The following PLCL1 variants were observed in gnomAD, a reference collection of about 807,000 sequenced individuals.
The protein encoded by PLCL1 is inactive phospholipase C-like protein 1.
A neutral mutation model predicts 84.4 loss-of-function variants in PLCL1; 41 were observed. That is an observed-to-expected ratio of 0.49 (90% CI 0.38 to 0.63). The LOEUF is 0.63. Ranked by LOEUF, PLCL1 falls within the 30% of genes least tolerant of loss-of-function variation. The pLI, the probability that PLCL1 is intolerant of heterozygous loss-of-function variation, is 0.00. For missense variants in PLCL1, 1,206 were observed against 1,367.8 expected, an observed-to-expected ratio of 0.88 and a Z score of 1.87; for synonymous variants, 490 against 488.3, an observed-to-expected ratio of 1.00 and a Z score of -0.05.
intron 5 of PLCL1, among the ~76,000 whole-genome samples, chr2:198,115,954 T>C (rs950938511): frequency 2.0e-5 from 3 of 147,652 alleles, no homozygotes; most frequent in African/African-American, 7.4e-5. Context: ...ATATAAAATA[T>C]ATACATATAA....
intron 5 of PLCL1, among the ~76,000 whole-genome samples, chr2:198,108,457 A>G (rs1484686013): frequency 1.3e-5 from 2 of 151,898 alleles, no homozygotes; most frequent in Non-Finnish European, 2.9e-5. Context: ...GAAAAAAATG[A>G]GAAATGTGCC....
chr2:197,837,647 G>A (rs1462598480), intron 1 of PLCL1, among the ~76,000 whole-genome samples: 3 of 152,230 alleles, frequency 2.0e-5, no homozygotes, highest in Non-Finnish European at 4.4e-5. Context: ...ATCTAGTTAT[G>A]ACTGGCGGGT....
At position 197,805,314 on chromosome 2, in the gene PLCL1, C is replaced by A; in HGVS notation, c.215C>A (p.Thr72Asn). The A allele has an allele frequency of 7.7e-7, 1 of 1,304,004 alleles. No homozygotes were observed. Among genetic ancestry groups the A allele is most frequent in the Non-Finnish European group, 9.7e-7 (1 of 1,030,276 alleles). 80.8% of individuals were successfully genotyped at this position (1,304,004 alleles called of 1,614,324 possible). A position where few individuals can be genotyped will look rare whatever the true frequency, so the allele number is the denominator to read the frequency against. Residue 72 changes from threonine (T) to asparagine (N), a missense_variant, in exon 1 of 6, where the codon ACC becomes AAC. By Grantham distance (65) the Thr-to-Asn change is moderately conservative (BLOSUM62 0). Coordinates refer to ENST00000428675, the MANE Select transcript of PLCL1 (RefSeq NM_006226.4). This position sits in a 1 kb window ranked among gnomAD's most constrained non-coding sequence, Gnocchi z 4.0. Reference protein sequence around the residue: ...EAGLLEAARATPRRSSIIKDP... With the variant: ...EAGLLEAARANPRRSSIIKDP... ...GGCCTCCTGGAGGCAGCACGGGCGACCCCCCGGCGCAGCAGCATCATCAAG... is the reference window on the plus strand; with the variant it reads ...GGCCTCCTGGAGGCAGCACGGGCGAACCCCCGGCGCAGCAGCATCATCAAG...
At chr2:197,986,486 G>T (rs1248559902) in intron 1 of PLCL1, among the ~76,000 whole-genome samples, 2 of 152,126 alleles carry the variant, frequency 1.3e-5, no homozygotes, top group Non-Finnish European at 2.9e-5. Context: ...GAGTAGCTAG[G>T]ACTATAGTCA....
chr2:198,110,445 GGGAA>G (rs1241439327), intron 5 of PLCL1, among the ~76,000 whole-genome samples: 1 of 151,874 alleles, frequency 6.6e-6, no homozygotes, highest in Admixed American at 6.6e-5. Flanking sequence ...TACAGTTCTG[GGGAA>G]TCTTGCTACA....
At chr2:197,953,621 C>G (rs773757693) in intron 1 of PLCL1, among the ~76,000 whole-genome samples, 1 of 151,946 alleles carries the variant, frequency 6.6e-6, no homozygotes, top group Admixed American at 6.6e-5. Flanking sequence ...TATTGGAGTT[C>G]AGGTCTGAAG....
intron 5 of PLCL1, among the ~76,000 whole-genome samples, chr2:198,114,595 G>C (rs1273419911): frequency 1.3e-5 from 2 of 151,770 alleles, no homozygotes; most frequent in African/African-American, 4.8e-5. Context: ...TCTGCATTAA[G>C]TATTTCTTAC....
At chr2:198,136,282 C>T (rs1694254468) in intron 5 of PLCL1, among the ~76,000 whole-genome samples, 2 of 152,082 alleles carry the variant, frequency 1.3e-5, no homozygotes, top group South Asian at 4.1e-4. Flanking sequence ...GAGGTATTAT[C>T]TCTCTTAATC....
chr2:197,835,004 A>G (rs1331993273), intron 1 of PLCL1, among the ~76,000 whole-genome samples: 2 of 152,218 alleles, frequency 1.3e-5, no homozygotes, highest in African/African-American at 2.4e-5. Flanking sequence ...TTGTAGAGAC[A>G]TGGATGAAGC....
intron 1 of PLCL1, among the ~76,000 whole-genome samples, chr2:197,810,929 A>T (rs1182736245): frequency 1.3e-5 from 2 of 152,226 alleles, no homozygotes; most frequent in African/African-American, 4.8e-5. Flanking sequence ...GATCTCAGCA[A>T]CAGTAAATGA....
intron 1 of PLCL1, among the ~76,000 whole-genome samples, chr2:197,861,022 A>G (rs1262822910): frequency 6.6e-6 from 1 of 152,138 alleles, no homozygotes; most frequent in Non-Finnish European, 1.5e-5. Flanking sequence ...ATCTTCACCC[A>G]GTTTCCTGGC....
intron 1 of PLCL1, among the ~76,000 whole-genome samples, chr2:198,054,522 A>G (rs1692016426): frequency 6.6e-6 from 1 of 152,188 alleles, no homozygotes; most frequent in South Asian, 2.1e-4. Context: ...AACACATCTA[A>G]CACCATTGAC....
chr2:197,937,215 G>A (rs141890731), intron 1 of PLCL1, among the ~76,000 whole-genome samples: 202 of 152,276 alleles, frequency 1.3e-3, no homozygotes, highest in African/African-American at 4.3e-3. Context: ...CAAGAAGTGG[G>A]CTTCCAGCTT....
At chr2:197,930,404 G>A (rs1300826870) in intron 1 of PLCL1, among the ~76,000 whole-genome samples, 15 of 152,180 alleles carry the variant, frequency 9.9e-5, no homozygotes, top group Admixed American at 8.5e-4. Context: ...TGGCAGTTGA[G>A]CTATTTGGTG....
At chr2:197,926,181 G>T (rs1184928472) in intron 1 of PLCL1, among the ~76,000 whole-genome samples, 1 of 152,112 alleles carries the variant, frequency 6.6e-6, no homozygotes, top group Non-Finnish European at 1.5e-5. Context: ...TATATGAGTA[G>T]ATTCAATAAC....
At chr2:197,961,959 C>A (rs749379074) in intron 1 of PLCL1, among the ~76,000 whole-genome samples, 1 of 151,930 alleles carries the variant, frequency 6.6e-6, no homozygotes, top group Non-Finnish European at 1.5e-5. Context: ...TAATTAGTAA[C>A]AAAAATAATT....
At chr2:197,941,753 T>C (rs1689161893) in intron 1 of PLCL1, among the ~76,000 whole-genome samples, 1 of 151,634 alleles carries the variant, frequency 6.6e-6, no homozygotes, top group South Asian at 2.1e-4. Context: ...CCATTCTGCT[T>C]TCTCTCTCTC....
chr2:198,055,278 G>A (rs1692035123), intron 1 of PLCL1, among the ~76,000 whole-genome samples: 1 of 139,864 alleles, frequency 7.1e-6, no homozygotes, highest in Non-Finnish European at 1.5e-5. Flanking sequence ...CAAACCTCAA[G>A]GACTGCTGGT....
Position 197,909,158 on chromosome 2 carries a change from G to A in PLCL1, c.240+103819G>A, listed in dbSNP as rs184535603. On this transcript the variant is annotated intron_variant, in intron 1 of 5. Transcript: ENST00000428675. ...TTCCCTTGGAAACTGTTTTGAGCTCGGAATTTGTTGTTTAGATCATGATTT... is the reference window on the plus strand; with the variant it reads ...TTCCCTTGGAAACTGTTTTGAGCTCAGAATTTGTTGTTTAGATCATGATTT... 2.1e-3 allele frequency among the ~76,000 whole-genome samples: 322 copies of A among 152,246 alleles called. 1 individual carries two copies. Among genetic ancestry groups the A allele is most frequent in the African/African-American group, 7.5e-3 (310 of 41,532 alleles).
Sources: allele counts gnomAD v4.1 joint callset (sites outside exome capture counted in the v4.1 genomes callset), GRCh38; gene constraint gnomAD v4.1.1; non-coding constraint Gnocchi (gnomAD v3.1); transcripts MANE v1.5; gene names NCBI Gene and HGNC (gene_info 2026-07-23, HGNC 2026-07-21).